MTMR6: variants seen among roughly 807,000 people sequenced by gnomAD.
MTMR6 encodes the protein phosphatidylinositol-3,5-bisphosphate 3-phosphatase MTMR6.
MTMR6 carries 47 observed loss-of-function variants against 80.1 expected under a neutral mutation model. The observed-to-expected ratio is 0.59, with a 90% CI of 0.46 to 0.75. The LOEUF is 0.75. Among genes scored for constraint, MTMR6 ranks in the 30% least tolerant of loss-of-function variants. The pLI, the probability that MTMR6 is intolerant of heterozygous loss-of-function variation, is 0.00. For missense variants in MTMR6, 629 were observed against 730.9 expected, an observed-to-expected ratio of 0.86 and a Z score of 1.61; for synonymous variants, 254 against 253.0, an observed-to-expected ratio of 1.00 and a Z score of -0.04.
At chr13:25,282,446 A>G (rs192154013) in intron 1 of MTMR6, among the ~76,000 whole-genome samples, 53 of 152,240 alleles carry the variant, frequency 3.5e-4, no homozygotes, top group African/African-American at 1.2e-3. Flanking sequence ...TGAACCTAGA[A>G]CAGTGCCTGG....
Position 25,287,222 on chromosome 13 carries a change from A to G in MTMR6, c.24+2T>C. ...AAGACTGGCGATCCCGCGCCCGACT[A>G]CCTTGGTCGTCCGGATATGCTCCAT... is the stretch of plus-strand genomic sequence containing the variant. On this transcript the variant is annotated splice_donor_variant, in intron 1 of 13. Coordinates refer to ENST00000381801, the MANE Select transcript of MTMR6 (RefSeq NM_004685.5). LOFTEE classifies it high-confidence loss of function. 1 of 1,597,484 alleles carries G rather than the reference A, an allele frequency of 6.3e-7. No individual in the cohort carries two copies. The highest frequency in any genetic ancestry group is 2.3e-5 in the East Asian group (1 of 43,716).
intron 1 of MTMR6, among the ~76,000 whole-genome samples, chr13:25,275,008 T>G (rs12430251): frequency 0.29 from 14,599 of 49,560 alleles, 919 homozygotes; most frequent in Middle Eastern, 0.37. Context: ...ACACACACAC[T>G]ATGTTGCTGC....
chr13:25,274,248 G>A, intron 1 of MTMR6, 61 bp from the exon 2 acceptor site: 5 of 1,155,198 alleles, frequency 4.3e-6, no homozygotes, highest in Non-Finnish European at 5.0e-6. Flanking sequence ...TTTTCTGTTA[G>A]CCCAGGACTT....
intron 8 of MTMR6, 78 bp from the exon 9 acceptor site, chr13:25,257,399 G>A: frequency 6.6e-7 from 1 of 1,522,184 alleles, no homozygotes; most frequent in Non-Finnish European, 8.9e-7. Context: ...ATACTAGCAG[G>A]TATTGTGTTA....
intron 1 of MTMR6, among the ~76,000 whole-genome samples, chr13:25,275,197 C>T (rs1167938993): frequency 2.0e-5 from 3 of 151,838 alleles, no homozygotes; most frequent in Non-Finnish European, 2.9e-5. Context: ...GAGGCCAACA[C>T]GGGTGCATCA....
chr13:25,255,360 A>G (rs1425965645), intron 9 of MTMR6, among the ~76,000 whole-genome samples: 1 of 152,206 alleles, frequency 6.6e-6, no homozygotes, highest in Admixed American at 6.5e-5. Context: ...TTAAAGCATA[A>G]CTCAATATCT....
At chr13:25,268,657 C>T (rs952447826) in intron 2 of MTMR6, among the ~76,000 whole-genome samples, 1 of 152,194 alleles carries the variant, frequency 6.6e-6, no homozygotes, top group Non-Finnish European at 1.5e-5. Flanking sequence ...TCAAGCTATA[C>T]TTTTCCTTCA....
intron 2 of MTMR6, among the ~76,000 whole-genome samples, chr13:25,268,293 CT>C (rs1957499623): frequency 6.6e-6 from 1 of 152,216 alleles, no homozygotes; most frequent in African/African-American, 2.4e-5. Context: ...CCTAAATGCT[CT>C]CTCCATACCT....
At chr13:25,264,235 T>C (rs181926854) in intron 5 of MTMR6, among the ~76,000 whole-genome samples, 117 of 147,980 alleles carry the variant, frequency 7.9e-4, no homozygotes, top group African/African-American at 2.8e-3. Context: ...AGACTGGAGA[T>C]GAGGTTGAGG....
chr13:25,268,032 A>T, intron 2 of MTMR6, 91 bp from the exon 3 acceptor site: 2 of 1,304,148 alleles, frequency 1.5e-6, no homozygotes, highest in South Asian at 3.4e-5. Context: ...TCTTCCTCAA[A>T]AAAAGTTGAA....
chr13:25,262,304 A>C (rs1196748196), intron 5 of MTMR6, among the ~76,000 whole-genome samples: 1 of 152,242 alleles, frequency 6.6e-6, no homozygotes, highest in African/African-American at 2.4e-5. Context: ...AATACAGTCA[A>C]TCGAATAGAG....
At chr13:25,277,562 T>C (rs1195165239) in intron 1 of MTMR6, among the ~76,000 whole-genome samples, 1 of 152,238 alleles carries the variant, frequency 6.6e-6, no homozygotes, top group East Asian at 1.9e-4. Context: ...TTAAATAAGA[T>C]TCTTCTTTAT....
intron 5 of MTMR6, among the ~76,000 whole-genome samples, chr13:25,265,160 C>A (rs978017781): frequency 6.6e-6 from 1 of 152,004 alleles, no homozygotes; most frequent in Non-Finnish European, 1.5e-5. Context: ...AAAATGGGAC[C>A]CTGAAATGCC....
At chr13:25,261,646 G>C in intron 6 of MTMR6, 22 bp downstream of exon 6, 1 of 1,590,244 alleles carries the variant, frequency 6.3e-7, no homozygotes, top group East Asian at 2.3e-5. Flanking sequence ...CTAGCAGACT[G>C]TACTGTATTT....
At position 25,251,772 on chromosome 13, in the gene MTMR6, A is replaced by C; in HGVS notation, c.1482T>G (p.Phe494Leu). ...CAAATTGATGGTACATGTTCCTCCA[A>C]AACCTTTATGACAAAAAAAAGTTTC... ...EPNTVSFNFK[F>L]WRNMYHQFDR... The change falls in exon 13 of 14, where the codon TTT (phenylalanine) becomes TTG (leucine). Residue 494 changes from phenylalanine to leucine, a missense_variant. Coordinates refer to ENST00000381801, the MANE Select transcript of MTMR6 (RefSeq NM_004685.5). This position sits in a 1 kb window ranked among gnomAD's most constrained non-coding sequence, Gnocchi z 4.1. 2 of 1,607,424 alleles carry C rather than the reference A, an allele frequency of 1.2e-6. No homozygotes were observed. Among genetic ancestry groups the C allele is most frequent in the Non-Finnish European group, 1.7e-6 (2 of 1,177,582 alleles).
chr13:25,267,551 A>C (rs1957485586), intron 3 of MTMR6, among the ~76,000 whole-genome samples: 1 of 152,188 alleles, frequency 6.6e-6, no homozygotes, highest in African/African-American at 2.4e-5. Context: ...AGTCTCTACT[A>C]TAAATGCTTT....
At chr13:25,261,987 T>C (rs1269847769) in intron 5 of MTMR6, among the ~76,000 whole-genome samples, 185 bp from the exon 6 acceptor site, 5 of 152,174 alleles carry the variant, frequency 3.3e-5, no homozygotes, top group Non-Finnish European at 1.5e-5. Flanking sequence ...TTCCCAATAT[T>C]CTATTCTCAT....
In MTMR6 at chr13:25,251,902, A is replaced by T. The variant is rs755729166; in HGVS notation, c.1429T>A (p.Ser477Thr). 16 of 1,607,674 alleles carry T rather than the reference A, an allele frequency of 1.0e-5. No individual in the cohort carries two copies. In the Admixed American group the frequency reaches 2.1e-4, roughly 21 times the overall value. The change falls in exon 12 of 14, where the codon TCT (serine) becomes ACT (threonine). Residue 477 changes from serine (S) to threonine (T), a missense_variant. Ser to Thr is a moderately conservative substitution (Grantham distance 58). Transcript: ENST00000381801. This position sits in a 1 kb window ranked among gnomAD's most constrained non-coding sequence, Gnocchi z 4.1. Reference sequence around the variant, plus strand: ...GGCTCCAAAACTGTAAATCTGTGAGATTCGGAACTGTAGAGAGGATTTAAG... The same window carrying T: ...GGCTCCAAAACTGTAAATCTGTGAGTTTCGGAACTGTAGAGAGGATTTAAG... ...KYLNPLYSSE[S>T]HRFTVLEPNT... is the part of the protein sequence containing the mutation.
In MTMR6 at chr13:25,248,503, A is replaced by G. The variant is rs1056574247; in HGVS notation, c.*729T>C. 3 of 152,184 alleles carry G rather than the reference A, an allele frequency of 2.0e-5. No homozygotes were observed. Among genetic ancestry groups the G allele is most frequent in the African/African-American group, 7.2e-5 (3 of 41,462 alleles). The allele number at this position is 152,184 out of a possible 1,614,324, so 9.4% of individuals were successfully genotyped here. ...ATAATAAATTATCAAATGTAGCACT[A>G]AACAAATTATGATCAGAATAAACCT... On this transcript the variant is annotated 3_prime_UTR_variant, in exon 14 of 14. Coordinates refer to ENST00000381801, the MANE Select transcript of MTMR6 (RefSeq NM_004685.5).
Sources: allele counts gnomAD v4.1 joint callset (sites outside exome capture counted in the v4.1 genomes callset), GRCh38; gene constraint gnomAD v4.1.1; non-coding constraint Gnocchi (gnomAD v3.1); transcripts MANE v1.5; gene names NCBI Gene and HGNC (gene_info 2026-07-23, HGNC 2026-07-21).